Variants in PHLPP2 observed in about 807,000 individuals in gnomAD.
PHLPP2 encodes the protein PH domain and leucine rich repeat protein phosphatase 2.
PHLPP2 carries 66 observed loss-of-function variants against 124.9 expected under a neutral mutation model. That is an observed-to-expected ratio of 0.53 (90% CI 0.43 to 0.65). The LOEUF (loss-of-function observed/expected upper bound fraction) is 0.65, where lower values mean the gene tolerates loss of function less well. Ranked by LOEUF, PHLPP2 falls within the 30% of genes least tolerant of loss-of-function variation. The pLI, the probability that PHLPP2 is intolerant of heterozygous loss-of-function variation, is 0.00. For missense variants in PHLPP2, 1,685 were observed against 1,600.4 expected (o/e 1.05, Z -0.90); for synonymous variants, 681 against 624.7 (o/e 1.09, Z -1.34).
intron 1 of PHLPP2, among the ~76,000 whole-genome samples, chr16:71,716,347 G>A (rs1490076736): frequency 2.0e-5 from 3 of 152,172 alleles, no homozygotes; most frequent in Non-Finnish European, 2.9e-5. Context: ...GCCAAGTGTA[G>A]TATCAACACA....
intron 8 of PHLPP2, 196 bp downstream of exon 8, chr16:71,678,559 G>A (rs9927437): frequency 0.36 from 194,344 of 539,744 alleles, 38,462 homozygotes; most frequent in East Asian, 0.7. Context: ...AGAATCGCCT[G>A]AGAACGGGAG....
At chr16:71,715,838 AAC>A (rs1202802107) in intron 1 of PHLPP2, among the ~76,000 whole-genome samples, 8 of 150,304 alleles carry the variant, frequency 5.3e-5, no homozygotes, top group African/African-American at 1.2e-4. Flanking sequence ...AAAAAAAAAA[AAC>A]AAAAAATTAG....
At chr16:71,658,848 C>T (rs576209357) in intron 13 of PHLPP2, 33 bp from the exon 14 acceptor site, 1 of 1,603,220 alleles carries the variant, frequency 6.2e-7, no homozygotes, top group South Asian at 1.1e-5. Context: ...CTATAATGCA[C>T]CAAGACTGAG....
rs2044743806 is a variant in PHLPP2 at position 71,656,580 on chromosome 16, T to C, written c.2381A>G (p.Gln794Arg). ...WSHGLAEMAGQRNKLCVSALA... is the reference protein window; with the variant it reads ...WSHGLAEMAGRRNKLCVSALA... ...TGGCCAATATACTCACTTATTTCTCTGCCCTGCCATCTCAGCCAGTCCATG... is the reference window on the plus strand; with the variant it reads ...TGGCCAATATACTCACTTATTTCTCCGCCCTGCCATCTCAGCCAGTCCATG... Residue 794 changes from glutamine to arginine, a missense_variant, in exon 16 of 19, where the codon CAG becomes CGG. Gln to Arg is a conservative substitution (Grantham distance 43). Coordinates refer to ENST00000568954, the MANE Select transcript of PHLPP2 (RefSeq NM_015020.3). 4.4e-6 allele frequency: 7 copies of C among 1,600,864 alleles called. No homozygotes were observed. The highest frequency in any genetic ancestry group is 6.0e-6 in the Non-Finnish European group (7 of 1,168,206).
intron 13 of PHLPP2, among the ~76,000 whole-genome samples, chr16:71,661,641 A>T (rs1253685390): frequency 6.6e-6 from 1 of 150,464 alleles, no homozygotes; most frequent in Non-Finnish European, 1.5e-5. Context: ...AGAAGTCATT[A>T]AAAAAAAATG....
chr16:71,696,137 G>A lies in PHLPP2; in HGVS notation c.419-5428C>T, dbSNP rs73578297. ...TCATAAAAATAATTGTATTAGGGTG[G>A]TGGAATGTTTTTCTACCACGTTACT... On this transcript the variant is annotated intron_variant, in intron 3 of 18. Coordinates refer to ENST00000568954, the MANE Select transcript of PHLPP2 (RefSeq NM_015020.3). Among the ~76,000 whole-genome samples the A allele has an allele frequency of 2.5e-3, 374 of 152,258 alleles. 2 individuals are homozygous for A. Among genetic ancestry groups the A allele is most frequent in the African/African-American group, 8.1e-3 (335 of 41,530 alleles).
chr16:71,702,769 A>G, intron 2 of PHLPP2, 38 bp from the exon 3 acceptor site: 1 of 1,426,708 alleles, frequency 7.0e-7, no homozygotes, highest in East Asian at 2.4e-5. Context: ...ATATTTGGTA[A>G]GTAATAAAAA....
intron 1 of PHLPP2, among the ~76,000 whole-genome samples, chr16:71,716,619 T>C (rs555240952): frequency 6.6e-6 from 1 of 152,248 alleles, no homozygotes; most frequent in African/African-American, 2.4e-5. Flanking sequence ...TCCCTACTAC[T>C]GCCCTTTACT....
At chr16:71,656,922 G>T (rs2044746868) in intron 15 of PHLPP2, among the ~76,000 whole-genome samples, 1 of 150,384 alleles carries the variant, frequency 6.6e-6, no homozygotes, top group African/African-American at 2.4e-5. Context: ...GCTAATTTTT[G>T]TATTTCTTTA....
At chr16:71,694,591 C>T (rs2045150027) in intron 3 of PHLPP2, among the ~76,000 whole-genome samples, 1 of 151,590 alleles carries the variant, frequency 6.6e-6, no homozygotes, top group Admixed American at 6.6e-5. Flanking sequence ...AAATATAGTA[C>T]CCAAAAGATA....
chr16:71,708,488 C>A (rs1380519577), intron 2 of PHLPP2, among the ~76,000 whole-genome samples: 2 of 152,178 alleles, frequency 1.3e-5, no homozygotes, highest in African/African-American at 4.8e-5. Context: ...CTTTTTCCGA[C>A]TCAGCCCGCC....
At chr16:71,691,281 C>A (rs1467262797) in intron 3 of PHLPP2, among the ~76,000 whole-genome samples, 1 of 151,828 alleles carries the variant, frequency 6.6e-6, no homozygotes, top group Non-Finnish European at 1.5e-5. Flanking sequence ...GGTGAAACCC[C>A]GTCTCTACTA....
intron 3 of PHLPP2, chr16:71,698,548 A>T: frequency 1.5e-6 from 1 of 672,292 alleles, no homozygotes; most frequent in South Asian, 1.4e-5. Flanking sequence ...AGTCAGAGAC[A>T]TGAACATCCA....
intron 3 of PHLPP2, among the ~76,000 whole-genome samples, chr16:71,694,784 A>C (rs948900119): frequency 6.6e-6 from 1 of 151,802 alleles, no homozygotes; most frequent in African/African-American, 2.4e-5. Context: ...TCATTTTTTA[A>C]ATTTTTTTTT....
intron 11 of PHLPP2, 27 bp from the exon 12 acceptor site, chr16:71,667,360 C>T (rs2044848767): frequency 2.5e-6 from 4 of 1,572,160 alleles, no homozygotes; most frequent in Non-Finnish European, 3.5e-6. Flanking sequence ...CAAACAAACA[C>T]ATTAAAAACT....
intron 16 of PHLPP2, among the ~76,000 whole-genome samples, chr16:71,655,911 G>A (rs1408077927): frequency 1.3e-5 from 2 of 152,210 alleles, no homozygotes; most frequent in Non-Finnish European, 1.5e-5. Flanking sequence ...AAGAGCTAAT[G>A]TCCTAAGGAA....
chr16:71,656,229 G>A (rs575813868), intron 16 of PHLPP2, among the ~76,000 whole-genome samples: 1 of 152,260 alleles, frequency 6.6e-6, no homozygotes, highest in Non-Finnish European at 1.5e-5. Context: ...ATACTAGACT[G>A]GGTGTCATCA....
Position 71,664,003 on chromosome 16 carries a change from C to T in PHLPP2, c.1881G>A (p.Leu627=). ...ACTGATCCGTCAGGAGATTGTTGGTCAGATAAAGCAGCTGCAGCATACTCA... is the reference window on the plus strand; with the variant it reads ...ACTGATCCGTCAGGAGATTGTTGGTTAGATAAAGCAGCTGCAGCATACTCA... ...ESLSMLQLLY[L]TNNLLTDQCI... The change falls in exon 13 of 19, where the codon CTG becomes CTA. Residue 627 remains leucine, a synonymous_variant. Transcript: ENST00000568954. 1 of 1,613,928 alleles carries T rather than the reference C, an allele frequency of 6.2e-7. No homozygotes were observed. Among genetic ancestry groups the T allele is most frequent in the East Asian group, 2.2e-5 (1 of 44,884 alleles).
At chr16:71,678,447 G>A in intron 8 of PHLPP2, 1 of 275,670 alleles carries the variant, frequency 3.6e-6, no homozygotes, top group Non-Finnish European at 6.9e-6. Context: ...AGACCTGCCT[G>A]CACAACATGG....
Sources: gnomAD v4.1 joint callset for allele counts (sites outside exome capture counted in the v4.1 genomes callset) on GRCh38, gnomAD v4.1.1 for gene constraint, MANE v1.5 for transcripts, NCBI Gene and HGNC (gene_info 2026-07-23, HGNC 2026-07-21) for gene names.